Variants in MYCBP2 observed in about 807,000 individuals in gnomAD.
MYCBP2 encodes MYC binding protein 2.
MYCBP2 carries 120 observed loss-of-function variants against 525.3 expected under a neutral mutation model. The ratio of observed to expected loss-of-function variants is 0.23; its 90% confidence interval spans 0.20 to 0.27. MYCBP2 has a LOEUF of 0.27. MYCBP2 is among the 10% of genes least tolerant of loss of function. The probability of loss-of-function intolerance (pLI) is 1.00; values close to 1 mark genes in which losing one functional copy is unlikely to be tolerated. For synonymous variants in MYCBP2, 1,894 were observed against 1,955.8 expected (o/e 0.97, Z 0.83); for missense variants, 4,149 against 5,657.1 (o/e 0.73, Z 8.55).
At chr13:77,047,930 C>T (rs1302105924) in intron 82 of MYCBP2, among the ~76,000 whole-genome samples, 3 of 152,026 alleles carry the variant, frequency 2.0e-5, no homozygotes, top group Non-Finnish European at 2.9e-5. Flanking sequence ...CCTGTTTGGG[C>T]CCCCCTCTCT....
At chr13:77,261,437 A>G (rs2154338152) in intron 11 of MYCBP2, 62 bp from the exon 12 acceptor site, 2 of 1,206,860 alleles carry the variant, frequency 1.7e-6, no homozygotes, top group East Asian at 2.5e-5. Context: ...CAGGTTTCAC[A>G]TGAGGAAAAA....
chr13:77,211,192 C>A lies in MYCBP2; in HGVS notation c.3391G>T (p.Asp1131Tyr). 6.7e-7 allele frequency: 1 copy of A among 1,502,056 alleles called. No homozygotes were observed. Among genetic ancestry groups the A allele is most frequent in the Non-Finnish European group, 8.9e-7 (1 of 1,123,144 alleles). The allele number at this position is 1,502,056 out of a possible 1,614,324, so 93.0% of individuals were successfully genotyped here. A position where few individuals can be genotyped will look rare whatever the true frequency, so the allele number is the denominator to read the frequency against. ...CTCCAAATTACATCATATACAGGAT[C>A]AAGACACACACCAAATCCTTGCAGA... The part of the protein sequence containing the change: ...EDLQGFGVCL[D>Y]PVYDVIWRFR... The change falls in exon 23 of 83, where the codon GAT becomes TAT. Residue 1131 changes from aspartate to tyrosine, a missense_variant. Coordinates refer to ENST00000544440, the MANE Select transcript of MYCBP2 (RefSeq NM_015057.5).
At chr13:77,197,997 C>T (rs372015278) in intron 26 of MYCBP2, among the ~76,000 whole-genome samples, 22 of 152,190 alleles carry the variant, frequency 1.4e-4, no homozygotes, top group African/African-American at 4.8e-4. Flanking sequence ...AGGTCCACTA[C>T]GTTGTTCACT....
At chr13:77,159,355 T>C (rs2057591889) in intron 44 of MYCBP2, among the ~76,000 whole-genome samples, 1 of 151,952 alleles carries the variant, frequency 6.6e-6, no homozygotes, top group Admixed American at 6.6e-5. Context: ...CTACCTTACA[T>C]GCCAAAAAGA....
Position 77,263,727 on chromosome 13 carries a change from T to A in MYCBP2, c.1494A>T (p.Gln498His), listed in dbSNP as rs539197195. 6.2e-7 allele frequency: 1 copy of A among 1,613,226 alleles called. No individual in the cohort carries two copies. Among genetic ancestry groups the A allele is most frequent in the South Asian group, 1.1e-5 (1 of 91,032 alleles). Reference protein sequence around the residue: ...STEPVLQQELQLKLARKCLHA... With the variant: ...STEPVLQQELHLKLARKCLHA... ...GTAAGCATTTTCTAGCCAGTTTAAGTTGCAATTCTTGCTGTAGAACAGGTT... is the reference window on the plus strand; with the variant it reads ...GTAAGCATTTTCTAGCCAGTTTAAGATGCAATTCTTGCTGTAGAACAGGTT... Residue 498 changes from glutamine to histidine, a missense_variant, in exon 10 of 83, where the codon CAA (glutamine) becomes CAT (histidine). Coordinates refer to ENST00000544440, the MANE Select transcript of MYCBP2 (RefSeq NM_015057.5).
chr13:77,307,650 A>C (rs967822662), intron 1 of MYCBP2, among the ~76,000 whole-genome samples: 28 of 149,972 alleles, frequency 1.9e-4, no homozygotes, highest in Admixed American at 1.8e-3. Flanking sequence ...AAAAAAAAAA[A>C]AAAACTTCAT....
intron 18 of MYCBP2, among the ~76,000 whole-genome samples, chr13:77,230,120 A>AC (rs1258147044): frequency 3.9e-5 from 6 of 152,190 alleles, no homozygotes; most frequent in Non-Finnish European, 7.4e-5. Context: ...TTTAGTCAAT[A>AC]TCTGCCTGTA....
intron 79 of MYCBP2, among the ~76,000 whole-genome samples, chr13:77,056,102 G>GTGTGTGTGTGTGTA (rs2037937418): frequency 7.8e-5 from 4 of 50,972 alleles, no homozygotes; most frequent in African/African-American, 2.3e-4. Context: ...TGTGTTTGGT[G>GTGTGTGTGTGTGTA]TGTGTGTGTG....
chr13:77,094,843 C>A (rs930557908), intron 58 of MYCBP2, among the ~76,000 whole-genome samples: 1 of 152,240 alleles, frequency 6.6e-6, no homozygotes, highest in Non-Finnish European at 1.5e-5. Context: ...TTGTAGCACT[C>A]CTCACATGGC....
intron 15 of MYCBP2, 100 bp downstream of exon 15, chr13:77,251,051 T>C (rs1037460659): frequency 1.0e-6 from 1 of 997,584 alleles, no homozygotes; most frequent in African/African-American, 1.6e-5. Flanking sequence ...ATGCCACTGG[T>C]CTTTAAGAAA....
At chr13:77,184,828 A>G (rs1288792712) in intron 32 of MYCBP2, among the ~76,000 whole-genome samples, 1 of 152,102 alleles carries the variant, frequency 6.6e-6, no homozygotes, top group Non-Finnish European at 1.5e-5. Flanking sequence ...CCTGGTCACT[A>G]TGGTTCTTTT....
intron 42 of MYCBP2, 142 bp downstream of exon 42, chr13:77,165,131 A>G (rs2058382622): frequency 1.5e-6 from 1 of 657,114 alleles, no homozygotes; most frequent in Non-Finnish European, 2.7e-6. Flanking sequence ...AAAGTGCTGC[A>G]ATTACAGGTG....
intron 17 of MYCBP2, among the ~76,000 whole-genome samples, chr13:77,237,726 T>C (rs1345469798): frequency 6.6e-6 from 1 of 152,172 alleles, no homozygotes; most frequent in Non-Finnish European, 1.5e-5. Flanking sequence ...TATGAAATTA[T>C]ATGAAATAAG....
At position 77,098,123 on chromosome 13, in the gene MYCBP2, C is replaced by T; in HGVS notation, c.9031G>A (p.Asp3011Asn). ...KEKSSFLFKG[D>N]GSKPLEPAKQ... ...GCTGGCTCTAAAGGCTTGGATCCAT[C>T]TCCTTTGAAAAGAAAACTCGATTTT... The change falls in exon 56 of 83, where the codon GAT becomes AAT. Residue 3011 changes from aspartate (D) to asparagine (N), a missense_variant. This residue lies in a region of MYCBP2 where 653 missense variants were observed against 744.7 expected (regional missense o/e 0.88). Transcript: ENST00000544440. The T allele has an allele frequency of 6.2e-7, 1 of 1,613,592 alleles. No individual in the cohort carries two copies. The highest frequency in any genetic ancestry group is 8.5e-7 in the Non-Finnish European group (1 of 1,179,774).
intron 80 of MYCBP2, among the ~76,000 whole-genome samples, chr13:77,052,843 G>C (rs1268004434): frequency 6.6e-6 from 1 of 152,118 alleles, no homozygotes; most frequent in Admixed American, 6.5e-5. Flanking sequence ...AAGAAGAAAA[G>C]GCCGGCTGGG....
chr13:77,216,976 C>T (rs548290893), intron 21 of MYCBP2, among the ~76,000 whole-genome samples: 5 of 152,250 alleles, frequency 3.3e-5, no homozygotes, highest in South Asian at 2.1e-4. Context: ...ACACACACTG[C>T]GTGTGTGAGA....
At chr13:77,254,188 T>C (rs903418449) in intron 14 of MYCBP2, among the ~76,000 whole-genome samples, 13 of 151,966 alleles carry the variant, frequency 8.6e-5, no homozygotes, top group Non-Finnish European at 1.8e-4. Context: ...GTATATTTTA[T>C]GTGTAAAACA....
intron 55 of MYCBP2, chr13:77,100,131 C>T (rs1481938489): frequency 6.6e-6 from 1 of 152,058 alleles, no homozygotes; most frequent in East Asian, 1.9e-4. Flanking sequence ...TTTTCAAAGA[C>T]AGTTCCTAGG....
chr13:77,107,825 G>T (rs920658500), intron 55 of MYCBP2, among the ~76,000 whole-genome samples: 4 of 152,246 alleles, frequency 2.6e-5, no homozygotes, highest in African/African-American at 9.6e-5. Context: ...AGCCATTCTT[G>T]ACTGACAGCT....
Sources: gnomAD v4.1 joint callset for allele counts (sites outside exome capture counted in the v4.1 genomes callset) on GRCh38, gnomAD v4.1.1 for gene constraint, gnomAD v4.1.1 regional missense constraint, MANE v1.5 for transcripts, NCBI Gene and HGNC (gene_info 2026-07-23, HGNC 2026-07-21) for gene names.